Variants in SEMA6D observed in about 807,000 individuals in gnomAD.
SEMA6D encodes semaphorin 6D.
SEMA6D carries 35 observed loss-of-function variants against 106.6 expected under a neutral mutation model. The observed-to-expected ratio is 0.33, with a 90% CI of 0.25 to 0.44. The LOEUF (loss-of-function observed/expected upper bound fraction) is 0.44. SEMA6D is among the 20% of genes least tolerant of loss of function. The pLI, the probability that SEMA6D is intolerant of heterozygous loss-of-function variation, is 1.00. For synonymous variants in SEMA6D, 499 were observed against 487.7 expected, an observed-to-expected ratio of 1.02 and a Z score of -0.31; for missense variants, 1,185 against 1,345.9, an observed-to-expected ratio of 0.88 and a Z score of 1.87.
At chr15:47,706,315 T>A (rs1033441462) in intron 4 of SEMA6D, among the ~76,000 whole-genome samples, 1 of 152,212 alleles carries the variant, frequency 6.6e-6, no homozygotes, top group Non-Finnish European at 1.5e-5. Context: ...AAAAAATCCT[T>A]TGTAGTTTAT....
chr15:47,617,993 T>A (rs1489543133), intron 4 of SEMA6D, among the ~76,000 whole-genome samples: 1 of 152,228 alleles, frequency 6.6e-6, no homozygotes, highest in Non-Finnish European at 1.5e-5. Flanking sequence ...GAGTTGATTC[T>A]CAAGGTTAAT....
chr15:47,234,752 TG>T (rs1300696077), intron 1 of SEMA6D, among the ~76,000 whole-genome samples: 2 of 152,104 alleles, frequency 1.3e-5, no homozygotes, highest in Middle Eastern at 3.2e-3. Context: ...CATCAGTTGA[TG>T]GGCACTTAGG....
At chr15:47,204,263 C>T (rs1894903116) in intron 1 of SEMA6D, among the ~76,000 whole-genome samples, 1 of 152,130 alleles carries the variant, frequency 6.6e-6, no homozygotes, top group African/African-American at 2.4e-5. Context: ...ACAGTATCAA[C>T]AGAGACTTGG....
At chr15:47,362,321 T>C (rs952163009) in intron 1 of SEMA6D, among the ~76,000 whole-genome samples, 3 of 152,198 alleles carry the variant, frequency 2.0e-5, no homozygotes, top group Non-Finnish European at 4.4e-5. Flanking sequence ...AGTATGCTAA[T>C]GGCGTGCAGT....
At chr15:47,244,969 A>C (rs570729319) in intron 1 of SEMA6D, among the ~76,000 whole-genome samples, 1 of 152,028 alleles carries the variant, frequency 6.6e-6, no homozygotes, top group Non-Finnish European at 1.5e-5. Context: ...TGTTTCTGCA[A>C]TAATTCGCTT....
At chr15:47,702,116 A>AGCCAGACACTGATGGTCATACTTG (rs1269260189) in intron 4 of SEMA6D, among the ~76,000 whole-genome samples, 7 of 152,338 alleles carry the variant, frequency 4.6e-5, no homozygotes, top group South Asian at 4.1e-4. Flanking sequence ...TTTTACCTAC[A>AGCCAGACACTGATGGTCATACTTG]GCCAGACACT....
chr15:47,712,232 T>G lies in SEMA6D; in HGVS notation c.-54-47513T>G, dbSNP rs577017111. 1.4e-4 allele frequency among the ~76,000 whole-genome samples: 21 copies of G among 152,350 alleles called. No homozygotes were observed. The South Asian group carries it at 4.4e-3, about 32-fold the overall frequency. ...TTGAAGCACACATTTACTTGTAGTT[T>G]AGCTTTGAATATCTAATTGTGGGTT... On this transcript the variant is annotated intron_variant, in intron 4 of 19. Transcript: ENST00000558014.
chr15:47,686,364 C>T (rs1255946093), intron 4 of SEMA6D, among the ~76,000 whole-genome samples: 3 of 152,210 alleles, frequency 2.0e-5, no homozygotes, highest in South Asian at 2.1e-4. Context: ...CAGTCCTACA[C>T]GTGAAGACTT....
chr15:47,652,028 T>A lies in SEMA6D; in HGVS notation c.-55+51132T>A, dbSNP rs551463519. Among the ~76,000 whole-genome samples, 3 of 152,372 alleles carry A rather than the reference T, an allele frequency of 2.0e-5. No homozygotes were observed. The East Asian group carries it at 5.8e-4, about 29-fold the overall frequency. ...TCCCAAGTCAGTGGTGATCTCATCC[T>A]ACTCTTAGTATTCATAAGCTTATTT... On this transcript the variant is annotated intron_variant, in intron 4 of 19. Transcript: ENST00000558014.
chr15:47,736,656 T>C (rs1392666442), intron 1 of SEMA6D, among the ~76,000 whole-genome samples: 1 of 152,206 alleles, frequency 6.6e-6, no homozygotes, highest in African/African-American at 2.4e-5. Context: ...CACACAGGAC[T>C]TTAAGCAGGA....
intron 4 of SEMA6D, among the ~76,000 whole-genome samples, chr15:47,704,552 C>G (rs905204911): frequency 3.9e-5 from 6 of 152,060 alleles, no homozygotes; most frequent in African/African-American, 1.4e-4. Flanking sequence ...AACCCCATCT[C>G]TACAAAAAAT....
In SEMA6D at chr15:47,436,160, C is replaced by T. The variant is rs923364561; in HGVS notation, c.-159+23688C>T. ...ATTCCAAAACTTTGGGAGGCCGAGG[C>T]AGGTGGATCACCTGAGGTCAGGAGT... On this transcript the variant is annotated intron_variant, in intron 2 of 19. Coordinates refer to the SEMA6D transcript ENST00000558014. 2.6e-5 allele frequency among the ~76,000 whole-genome samples: 4 copies of T among 152,068 alleles called. No homozygotes were observed. The South Asian group carries it at 8.3e-4, about 31-fold the overall frequency.
At chr15:47,382,588 T>G (rs750042554) in intron 1 of SEMA6D, among the ~76,000 whole-genome samples, 1 of 150,252 alleles carries the variant, frequency 6.7e-6, no homozygotes, top group Non-Finnish European at 1.5e-5. Flanking sequence ...TCCGCAAACA[T>G]ATATAGAACT....
intron 1 of SEMA6D, among the ~76,000 whole-genome samples, chr15:47,263,465 A>G (rs75839741): frequency 6.6e-6 from 1 of 152,136 alleles, no homozygotes; most frequent in Non-Finnish European, 1.5e-5. Flanking sequence ...TTACTGATTC[A>G]TCAGAGAAAT....
intron 3 of SEMA6D, among the ~76,000 whole-genome samples, chr15:47,572,960 A>C (rs2076090196): frequency 1.3e-5 from 2 of 152,086 alleles, no homozygotes; most frequent in Non-Finnish European, 2.9e-5. Context: ...AAAATATTAA[A>C]TATTAATATT....
intron 3 of SEMA6D, among the ~76,000 whole-genome samples, chr15:47,501,932 G>C (rs2043862444): frequency 6.6e-6 from 1 of 151,678 alleles, no homozygotes; most frequent in Non-Finnish European, 1.5e-5. Context: ...TCAAACCTCT[G>C]GCCTGTAGAT....
At chr15:47,515,047 G>C (rs192368446) in intron 3 of SEMA6D, among the ~76,000 whole-genome samples, 2 of 152,002 alleles carry the variant, frequency 1.3e-5, no homozygotes, top group Admixed American at 1.3e-4. Flanking sequence ...CCTTGCATTC[G>C]CCTGGCAGCG....
intron 1 of SEMA6D, among the ~76,000 whole-genome samples, chr15:47,336,217 C>T (rs1038802170): frequency 6.6e-6 from 1 of 152,086 alleles, no homozygotes; most frequent in South Asian, 2.1e-4. Flanking sequence ...TCTCTTTTAC[C>T]TGATTGTGTC....
intron 2 of SEMA6D, among the ~76,000 whole-genome samples, chr15:47,422,181 C>CCTGCCTTCCTTCCTT (rs1202572732): frequency 5.6e-5 from 1 of 17,916 alleles, no homozygotes; most frequent in Admixed American, 1.2e-3. Flanking sequence ...CGCCTGCCTG[C>CCTGCCTTCCTTCCTT]CTTCCTTCCT....
Sources: allele counts gnomAD v4.1 joint callset (sites outside exome capture counted in the v4.1 genomes callset), GRCh38; gene constraint gnomAD v4.1.1; transcripts MANE v1.5; gene names NCBI Gene and HGNC (gene_info 2026-07-23, HGNC 2026-07-21).